BNC2: variants seen among roughly 807,000 people sequenced by gnomAD.
BNC2 encodes zinc finger protein basonuclin-2.
In BNC2, 20 loss-of-function variants were observed where a neutral mutation model predicts 76.3. That is an observed-to-expected ratio of 0.26 (90% CI 0.18 to 0.38). BNC2 has a LOEUF of 0.38. Ranked by LOEUF, BNC2 falls within the 10% of genes least tolerant of loss-of-function variation. BNC2 has a pLI of 1.00. For missense variants in BNC2, 1,382 were observed against 1,399.8 expected, an observed-to-expected ratio of 0.99 and a Z score of 0.20; for synonymous variants, 582 against 514.8, an observed-to-expected ratio of 1.13 and a Z score of -1.77.
intron 1 of BNC2, among the ~76,000 whole-genome samples, chr9:16,839,928 A>C (rs1308303711): frequency 6.6e-6 from 1 of 152,198 alleles, no homozygotes; most frequent in African/African-American, 2.4e-5. Flanking sequence ...CTGCTAAACT[A>C]ATCCCAGAAC....
intron 5 of BNC2, among the ~76,000 whole-genome samples, chr9:16,499,402 G>T (rs1363849963): frequency 6.6e-6 from 1 of 151,890 alleles, no homozygotes; most frequent in Non-Finnish European, 1.5e-5. Flanking sequence ...ACTAGAAAAT[G>T]ACCTGGCATT....
At chr9:16,761,294 A>C (rs1825545465) in intron 1 of BNC2, among the ~76,000 whole-genome samples, 1 of 152,204 alleles carries the variant, frequency 6.6e-6, no homozygotes, top group South Asian at 2.1e-4. Flanking sequence ...TGGTATGAAA[A>C]GATGAAAAAA....
intron 1 of BNC2, among the ~76,000 whole-genome samples, chr9:16,757,885 T>C (rs1314325408): frequency 6.6e-6 from 1 of 152,244 alleles, no homozygotes; most frequent in African/African-American, 2.4e-5. Context: ...AGTTTGGTGA[T>C]AATTTTATTC....
intron 3 of BNC2, among the ~76,000 whole-genome samples, chr9:16,614,958 T>TTAAAAAAAAAAAAA (rs1820655766): frequency 3.2e-5 from 2 of 62,520 alleles, no homozygotes; most frequent in African/African-American, 1.3e-4. Flanking sequence ...TCTGTCTCTT[T>TTAAAAAAAAAAAAA]AAAAAAAAAA....
At chr9:16,786,475 C>T (rs972674388) in intron 1 of BNC2, among the ~76,000 whole-genome samples, 2 of 152,170 alleles carry the variant, frequency 1.3e-5, no homozygotes, top group Non-Finnish European at 2.9e-5. Flanking sequence ...TAAGCTTACA[C>T]ACGAGACTTT....
chr9:16,716,608 A>G (rs990609279), intron 3 of BNC2, among the ~76,000 whole-genome samples: 13 of 152,220 alleles, frequency 8.5e-5, no homozygotes, highest in Non-Finnish European at 1.2e-4. Flanking sequence ...CGGCCTTCTC[A>G]TTTCATCCAA....
chr9:16,818,843 AT>A (rs888335939), intron 1 of BNC2, among the ~76,000 whole-genome samples: 181 of 149,506 alleles, frequency 1.2e-3, no homozygotes, highest in African/African-American at 4.4e-3. Context: ...TTTAAAAAAA[AT>A]TCATTTAAAG....
At chr9:16,457,012 G>T (rs895218752) in intron 5 of BNC2, among the ~76,000 whole-genome samples, 1 of 152,162 alleles carries the variant, frequency 6.6e-6, no homozygotes, top group African/African-American at 2.4e-5. Flanking sequence ...GGTGGGGAGA[G>T]AGAGAGACAA....
At chr9:16,655,207 TAAAGG>T (rs1218864452) in intron 3 of BNC2, among the ~76,000 whole-genome samples, 1 of 151,822 alleles carries the variant, frequency 6.6e-6, no homozygotes, top group Non-Finnish European at 1.5e-5. Flanking sequence ...CGATACAGCA[TAAAGG>T]AAATATTAAA....
intron 3 of BNC2, among the ~76,000 whole-genome samples, chr9:16,707,753 T>A (rs1439670316): frequency 6.6e-6 from 1 of 152,176 alleles, no homozygotes; most frequent in Non-Finnish European, 1.5e-5. Context: ...GCAATTCTCC[T>A]GCCTCAGCCT....
intron 4 of BNC2, 125 bp downstream of exon 4, chr9:16,582,856 CCT>C: frequency 1.3e-6 from 1 of 752,366 alleles, no homozygotes; most frequent in Non-Finnish European, 2.3e-6. Context: ...GCACAGCTGA[CCT>C]CTCTCTTCTC....
At chr9:16,544,801 C>A (rs769460600) in intron 5 of BNC2, among the ~76,000 whole-genome samples, 1 of 146,490 alleles carries the variant, frequency 6.8e-6, no homozygotes, top group Non-Finnish European at 1.5e-5. Flanking sequence ...CAGAGTGAGA[C>A]TCCACCTCAA....
intron 3 of BNC2, among the ~76,000 whole-genome samples, chr9:16,655,995 C>T (rs1821918047): frequency 6.6e-6 from 1 of 152,122 alleles, no homozygotes; most frequent in African/African-American, 2.4e-5. Context: ...ACATACAAGG[C>T]AGTGTTCTTA....
At chr9:16,812,550 GC>G (rs1011273857) in intron 1 of BNC2, among the ~76,000 whole-genome samples, 1 of 152,146 alleles carries the variant, frequency 6.6e-6, no homozygotes, top group African/African-American at 2.4e-5. Context: ...TGCAATTGAG[GC>G]TTTTGTTTTA....
chr9:16,649,656 C>A (rs1416189372), intron 3 of BNC2, among the ~76,000 whole-genome samples: 2 of 152,070 alleles, frequency 1.3e-5, no homozygotes. Context: ...ATCTTAAAAT[C>A]TTATTTTATG....
At chr9:16,483,077 C>T (rs578201369) in intron 5 of BNC2, among the ~76,000 whole-genome samples, 2 of 152,280 alleles carry the variant, frequency 1.3e-5, no homozygotes, top group African/African-American at 4.8e-5. Context: ...AGGCACTTAC[C>T]AGGGCTCAGT....
chr9:16,450,220 C>T (rs896929356), intron 5 of BNC2, among the ~76,000 whole-genome samples: 1 of 152,194 alleles, frequency 6.6e-6, no homozygotes, highest in South Asian at 2.1e-4. Context: ...ACTGCTGCAT[C>T]ACAGTGACCA....
chr9:16,719,249 C>T (rs1014909833), intron 3 of BNC2, among the ~76,000 whole-genome samples: 1 of 152,094 alleles, frequency 6.6e-6, no homozygotes, highest in Non-Finnish European at 1.5e-5. Context: ...CAGTAGTGGG[C>T]AGCTTTCTTA....
intron 5 of BNC2, among the ~76,000 whole-genome samples, chr9:16,457,392 G>A (rs902582276): frequency 2.6e-5 from 4 of 152,126 alleles, no homozygotes; most frequent in African/African-American, 9.7e-5. Context: ...GACTCAGCAC[G>A]TGGTCATACG....
Sources: allele counts gnomAD v4.1 joint callset (sites outside exome capture counted in the v4.1 genomes callset), GRCh38; gene constraint gnomAD v4.1.1; transcripts MANE v1.5; gene names NCBI Gene and HGNC (gene_info 2026-07-23, HGNC 2026-07-21).